Variants in FAM20A observed in about 807,000 individuals in gnomAD.
The protein encoded by FAM20A is FAM20A golgi associated secretory pathway pseudokinase.
FAM20A carries 42 observed loss-of-function variants against 52.0 expected under a neutral mutation model. That is an observed-to-expected ratio of 0.81 (90% CI 0.63 to 1.04). FAM20A has a LOEUF of 1.04. FAM20A is among the 50% of genes least tolerant of loss of function. The pLI, the probability that FAM20A is intolerant of heterozygous loss-of-function variation, is 0.00. For synonymous variants in FAM20A, 304 were observed against 298.9 expected (o/e 1.02, Z -0.18); for missense variants, 742 against 712.7 (o/e 1.04, Z -0.47).
Position 68,560,343 on chromosome 17 carries a change from C to CA in FAM20A, c.405-4601dup, listed in dbSNP as rs59192235. On this transcript the variant is annotated intron_variant, in intron 1 of 10. Coordinates refer to ENST00000592554, the MANE Select transcript of FAM20A (RefSeq NM_017565.4). ...CTGGCGACAGAGCGAAACTCCATCTCAAAAAAAAAAAAAAAAAGAGATTTC... is the reference window on the plus strand; with the variant it reads ...CTGGCGACAGAGCGAAACTCCATCTCAAAAAAAAAAAAAAAAAAGAGATTTC... Among the ~76,000 whole-genome samples, 771 of 108,198 alleles carry CA rather than the reference C, an allele frequency of 7.1e-3. 6 individuals carry two copies. The highest frequency in any genetic ancestry group is 0.023 in the Middle Eastern group (5 of 216). 71.0% of individuals were successfully genotyped at this position (108,198 alleles called of 152,430 possible). A position where few individuals can be genotyped will look rare whatever the true frequency, so the allele number is the denominator to read the frequency against.
rs1201684970 is a variant in FAM20A at position 68,600,671 on chromosome 17, T to C, written c.-5A>G. 1 of 1,540,416 alleles carries C rather than the reference T, an allele frequency of 6.5e-7. No individual in the cohort carries two copies. Among genetic ancestry groups the C allele is most frequent in the South Asian group, 1.2e-5 (1 of 84,430 alleles). On this transcript the variant is annotated 5_prime_UTR_variant, in exon 1 of 11. Transcript: ENST00000592554. This position sits in a 1 kb window ranked among gnomAD's most constrained non-coding sequence, Gnocchi z 6.2. ...GTCCCGGCGCAGCCCCGGCATGGCG[T>C]GCTGGCCAAGGGGGACGCCGGGGGC...
At position 68,543,842 on chromosome 17, in the gene FAM20A, A is replaced by G. The variant is rs141815890; in HGVS notation, c.720-121T>C. On this transcript the variant is annotated intron_variant, in intron 4 of 10. Coordinates refer to ENST00000592554, the MANE Select transcript of FAM20A (RefSeq NM_017565.4). ...GCTTTTATGCTTTTCATGTACACAC[A>G]GGCGATGGCACGGCAAGTCAGGAAT... 1.0e-3 allele frequency: 849 copies of G among 847,394 alleles called. 1 individual carries two copies. The highest frequency in any genetic ancestry group is 1.4e-3 in the Non-Finnish European group (694 of 508,172). 52.5% of individuals were successfully genotyped at this position (847,394 alleles called of 1,614,324 possible).
At position 68,537,398 on chromosome 17, in the gene FAM20A, G is replaced by C; in HGVS notation, c.*79C>G. ...CTTGACTCCCAGCAGTAACAGGTGG[G>C]AGTGAGGACGCAGGGTCGGCACTCG... On this transcript the variant is annotated 3_prime_UTR_variant, in exon 11 of 11. Coordinates refer to ENST00000592554, the MANE Select transcript of FAM20A (RefSeq NM_017565.4). This position sits in a 1 kb window ranked among gnomAD's most constrained non-coding sequence, Gnocchi z 4.2. 2 of 1,577,694 alleles carry C rather than the reference G, an allele frequency of 1.3e-6. No homozygotes were observed. Among genetic ancestry groups the C allele is most frequent in the Non-Finnish European group, 1.7e-6 (2 of 1,151,138 alleles).
intron 1 of FAM20A, among the ~76,000 whole-genome samples, chr17:68,576,469 A>G (rs2087771703): frequency 1.3e-5 from 2 of 152,158 alleles, no homozygotes; most frequent in South Asian, 4.1e-4. Flanking sequence ...TGCTGACTGC[A>G]TCATGGTCCA....
chr17:68,558,977 T>C (rs934151815), intron 1 of FAM20A, among the ~76,000 whole-genome samples: 1 of 152,190 alleles, frequency 6.6e-6, no homozygotes, highest in Non-Finnish European at 1.5e-5. Flanking sequence ...AGGGTGGTCT[T>C]GAACTCCTGA....
In FAM20A at chr17:68,600,902, G is replaced by A. The variant is rs1439857299; in HGVS notation, c.-236C>T. 10 of 491,058 alleles carry A rather than the reference G, an allele frequency of 2.0e-5. No homozygotes were observed. The Admixed American group carries it at 2.4e-4, about 12-fold the overall frequency. 30.4% of individuals were successfully genotyped at this position (491,058 alleles called of 1,614,324 possible). ...GAGTCAGCGGGCGTCGCTTCTCCGC[G>A]CCGAGTGAGCCGAGGGAATGGGGTT... is the stretch of plus-strand genomic sequence containing the variant. On this transcript the variant is annotated 5_prime_UTR_variant, in exon 1 of 11. Transcript: ENST00000592554. The surrounding 1 kb of genome is among the most constrained non-coding windows in gnomAD (Gnocchi z 6.2).
chr17:68,572,001 TATATATATATATATATA>T (rs1226196447), intron 1 of FAM20A, among the ~76,000 whole-genome samples: 5 of 88,620 alleles, frequency 5.6e-5, no homozygotes, highest in South Asian at 4.1e-4. Context: ...TATATATATA[TATATATATATATATATA>T]TATATATATA....
chr17:68,575,696 ATATATAT>A (rs1395261707), intron 1 of FAM20A, among the ~76,000 whole-genome samples: 35 of 119,834 alleles, frequency 2.9e-4, no homozygotes, highest in East Asian at 2.2e-3. Flanking sequence ...ATTTTATATT[ATATATAT>A]TATATATTAT....
In FAM20A at chr17:68,542,118, C is replaced by G. The variant is rs1194350750; in HGVS notation, c.976G>C (p.Glu326Gln). The G allele has an allele frequency of 1.9e-6, 3 of 1,613,966 alleles. No homozygotes were observed. The highest frequency in any genetic ancestry group is 2.7e-5 in the African/African-American group (2 of 74,914). Residue 326 changes from glutamate (E) to glutamine (Q), a missense_variant, in exon 7 of 11, where the codon GAG becomes CAG. Coordinates refer to ENST00000592554, the MANE Select transcript of FAM20A (RefSeq NM_017565.4). ...FAKCPYMCKT[E>Q]YAVCGNPHLL... is the part of the protein sequence containing the mutation. ...TGTGGGTTGCCACAGACAGCATACTCCGTCTTGCACATGTATGGACACTTG... is the reference window on the plus strand; with the variant it reads ...TGTGGGTTGCCACAGACAGCATACTGCGTCTTGCACATGTATGGACACTTG...
In FAM20A at chr17:68,535,666, A is replaced by AC. The variant is rs1430801787; in HGVS notation, c.*1810_*1811insG. On this transcript the variant is annotated 3_prime_UTR_variant, in exon 11 of 11. Coordinates refer to ENST00000592554, the MANE Select transcript of FAM20A (RefSeq NM_017565.4). ...CTCTGTTAAAGAGTTGATTTAAAAAAAAATTTTTTTTTTTTTGTATTTTTT... is the reference window on the plus strand; with the variant it reads ...CTCTGTTAAAGAGTTGATTTAAAAAACAAATTTTTTTTTTTTTGTATTTTTT... 8.9e-6 allele frequency: 4 copies of AC among 448,418 alleles called. No individual in the cohort carries two copies. The highest frequency in any genetic ancestry group is 8.1e-5 in the African/African-American group (4 of 49,258). The allele number at this position is 448,418 out of a possible 1,614,324, so 27.8% of individuals were successfully genotyped here. A position where few individuals can be genotyped will look rare whatever the true frequency, so the allele number is the denominator to read the frequency against.
At chr17:68,544,579 T>G (rs934262546) in intron 4 of FAM20A, among the ~76,000 whole-genome samples, 3 of 152,226 alleles carry the variant, frequency 2.0e-5, no homozygotes, top group African/African-American at 7.2e-5. Flanking sequence ...TGCAGAAATC[T>G]ATAAATAAGA....
intron 1 of FAM20A, among the ~76,000 whole-genome samples, chr17:68,580,750 C>T (rs1176347038): frequency 6.6e-6 from 1 of 152,218 alleles, no homozygotes; most frequent in Non-Finnish European, 1.5e-5. Context: ...AGCTAACTAC[C>T]TCTTATGTGG....
At chr17:68,569,523 C>T (rs1352092472) in intron 1 of FAM20A, among the ~76,000 whole-genome samples, 1 of 152,208 alleles carries the variant, frequency 6.6e-6, no homozygotes, top group Non-Finnish European at 1.5e-5. Context: ...CTTAGGCCTG[C>T]ACTGGCCAAT....
intron 3 of FAM20A, 26 bp downstream of exon 3, chr17:68,554,751 G>A (rs2087005701): frequency 6.2e-7 from 1 of 1,611,296 alleles, no homozygotes; most frequent in African/African-American, 1.3e-5. Context: ...GAAGAGGCTG[G>A]GTGGGGGTGG....
chr17:68,596,554 G>A (rs1258943789), intron 1 of FAM20A, among the ~76,000 whole-genome samples: 1 of 152,162 alleles, frequency 6.6e-6, no homozygotes, highest in East Asian at 1.9e-4. Context: ...ATGCAAAGGC[G>A]AGCAACAGTG....
Position 68,542,697 on chromosome 17 carries a change from G to T in FAM20A, c.925C>A (p.Pro309Thr). 6.2e-7 allele frequency: 1 copy of T among 1,611,846 alleles called. No homozygotes were observed. The highest frequency in any genetic ancestry group is 1.1e-5 in the South Asian group (1 of 91,044). ...EILQSVFFVS[P>T]ASNVCFFAKC... is the part of the protein sequence containing the mutation. The stretch of plus-strand genomic sequence containing the variant: ...ATCACTCGGGCCAGTACTCTACCTG[G>T]AGAGACAAAGAAAACACTCTGCAGG... The change falls in exon 6 of 11, where the codon CCA (proline) becomes ACA (threonine). Residue 309 changes from proline (P) to threonine (T), a missense_variant. Coordinates refer to ENST00000592554, the MANE Select transcript of FAM20A (RefSeq NM_017565.4).
intron 1 of FAM20A, chr17:68,558,199 G>T (rs117323660): frequency 7.8e-5 from 20 of 256,504 alleles, no homozygotes; most frequent in Non-Finnish European, 1.6e-4. Context: ...CAAGGAAATG[G>T]GGGCAAGGAA....
chr17:68,543,544 T>A, intron 5 of FAM20A, 85 bp downstream of exon 5: 1 of 1,183,748 alleles, frequency 8.4e-7, no homozygotes, highest in Non-Finnish European at 1.3e-6. Flanking sequence ...TGCCAGGGAG[T>A]TCCCACCTTG....
chr17:68,554,630 G>A, intron 3 of FAM20A, 147 bp downstream of exon 3: 1 of 783,278 alleles, frequency 1.3e-6, no homozygotes, highest in South Asian at 1.5e-5. Context: ...GTTGTGGGTG[G>A]ATGGGGAGAA....
Sources: gnomAD v4.1 joint callset for allele counts (sites outside exome capture counted in the v4.1 genomes callset) on GRCh38, gnomAD v4.1.1 for gene constraint, Gnocchi (gnomAD v3.1) non-coding constraint, MANE v1.5 for transcripts, NCBI Gene and HGNC (gene_info 2026-07-23, HGNC 2026-07-21) for gene names.